Variants in SETD7 observed in about 807,000 individuals in gnomAD.
SETD7 encodes SET domain containing 7, histone lysine methyltransferase, also known as histone-lysine N-methyltransferase SETD7.
A neutral mutation model predicts 41.8 loss-of-function variants in SETD7; 16 were observed. The observed-to-expected ratio is 0.38, with a 90% CI of 0.26 to 0.58. The LOEUF (loss-of-function observed/expected upper bound fraction) is 0.58, where lower values mean the gene tolerates loss of function less well. Ranked by LOEUF, SETD7 falls within the 20% of genes least tolerant of loss-of-function variation. The pLI, the probability that SETD7 is intolerant of heterozygous loss-of-function variation, is 0.64. For synonymous variants in SETD7, 163 were observed against 169.7 expected (o/e 0.96, Z 0.31); for missense variants, 346 against 459.7 (o/e 0.75, Z 2.26).
At chr4:139,495,054 C>G (rs1726429097), downstream of SETD7, among the ~76,000 whole-genome samples, 1 of 152,124 alleles carries the variant, frequency 6.6e-6, no homozygotes, top group South Asian at 2.1e-4. Flanking sequence ...CATATTTTTC[C>G]AGATTAATGC....
chr4:139,521,355 G>A (rs1453332511), intron 5 of SETD7, among the ~76,000 whole-genome samples: 3 of 151,968 alleles, frequency 2.0e-5, no homozygotes, highest in Non-Finnish European at 2.9e-5. Flanking sequence ...GAACCCAGGC[G>A]GTGGAGATTG....
chr4:139,519,345 C>T (rs1051449165), intron 6 of SETD7, among the ~76,000 whole-genome samples: 2 of 152,214 alleles, frequency 1.3e-5, no homozygotes, highest in Non-Finnish European at 1.5e-5. Flanking sequence ...GTATTTTTGA[C>T]TTTAAGCAAG....
intron 2 of SETD7, among the ~76,000 whole-genome samples, chr4:139,542,570 A>T (rs940381632): frequency 6.6e-6 from 1 of 152,104 alleles, no homozygotes. Context: ...TCTATATTTT[A>T]CCTTGAATAT....
chr4:139,543,005 T>C (rs1727821491), intron 2 of SETD7, among the ~76,000 whole-genome samples: 1 of 152,240 alleles, frequency 6.6e-6, no homozygotes, highest in Non-Finnish European at 1.5e-5. Context: ...GTCTCTTTCC[T>C]TGTCGGAACA....
At chr4:139,502,643 C>T (rs915978103), downstream of SETD7, among the ~76,000 whole-genome samples, 2 of 152,188 alleles carry the variant, frequency 1.3e-5, no homozygotes, top group African/African-American at 2.4e-5. Context: ...GTGGCAAAGC[C>T]GGGTGAAACC....
downstream of SETD7, among the ~76,000 whole-genome samples, chr4:139,503,604 A>G (rs1309052886): frequency 6.6e-6 from 1 of 150,536 alleles, no homozygotes; most frequent in Non-Finnish European, 1.5e-5. Context: ...ATCTTTGTAA[A>G]CCCCCCTCTA....
intron 1 of SETD7, among the ~76,000 whole-genome samples, 193 bp from the exon 2 acceptor site, chr4:139,547,242 T>C (rs564846664): frequency 6.3e-4 from 96 of 152,324 alleles, no homozygotes; most frequent in African/African-American, 2.2e-3. Context: ...CAGTACCAAA[T>C]TGATTGTTAT....
rs73856580 is a variant in SETD7, at chr4:139,546,241, A to G, written c.170+679T>C. ...CACACAAAAAGACCAACTATCCCAA[A>G]GACAGGCATTTAAAAAATTGAAGTC... On this transcript the variant is annotated intron_variant, in intron 2 of 7. Transcript: ENST00000274031. The G allele has an allele frequency of 6.7e-3, 1,040 of 155,670 alleles. 15 individuals are homozygous for G. Among genetic ancestry groups the G allele is most frequent in the African/African-American group, 0.023 (971 of 41,584 alleles). The allele number at this position is 155,670 out of a possible 1,614,324, so 9.6% of individuals were successfully genotyped here.
At chr4:139,521,008 T>A (rs1490416821) in intron 5 of SETD7, among the ~76,000 whole-genome samples, 1 of 152,244 alleles carries the variant, frequency 6.6e-6, no homozygotes, top group African/African-American at 2.4e-5. Context: ...TAGTATTGCC[T>A]ATGACTGCTT....
chr4:139,502,430 G>A (rs1369698596), downstream of SETD7, among the ~76,000 whole-genome samples: 2 of 152,194 alleles, frequency 1.3e-5, no homozygotes, highest in East Asian at 3.9e-4. Context: ...AGACTTGAAG[G>A]GCACGAGGGC....
intron 3 of SETD7, 147 bp downstream of exon 3, chr4:139,533,018 G>A: frequency 1.5e-6 from 1 of 677,098 alleles, no homozygotes; most frequent in Non-Finnish European, 2.7e-6. Context: ...AACAGTGAGA[G>A]GGCATGCCTC....
In SETD7 at chr4:139,506,237, T is replaced by C. The variant is rs574454480; in HGVS notation, c.*5426A>G. The C allele has an allele frequency of 3.3e-5, 5 of 152,676 alleles. No individual in the cohort carries two copies. Among genetic ancestry groups the C allele is most frequent in the Admixed American group, 6.5e-5 (1 of 15,284 alleles). 9.5% of individuals were successfully genotyped at this position (152,676 alleles called of 1,614,324 possible). On this transcript the variant is annotated 3_prime_UTR_variant, in exon 8 of 8. Transcript: ENST00000274031. ...CAAACATTATTCATGTAAACATCTT[T>C]CATTAATTTCCCATAATTTAAAAAA...
intron 2 of SETD7, among the ~76,000 whole-genome samples, chr4:139,542,829 T>G (rs1262808963): frequency 6.6e-6 from 1 of 152,240 alleles, no homozygotes. Flanking sequence ...AAATTCTTAT[T>G]CAGATTTATC....
At chr4:139,544,771 T>C (rs892968183) in intron 2 of SETD7, among the ~76,000 whole-genome samples, 1 of 150,942 alleles carries the variant, frequency 6.6e-6, no homozygotes, top group African/African-American at 2.4e-5. Context: ...AGTTACTGGC[T>C]ATCATCATCA....
chr4:139,513,863 G>A (rs1170882060), intron 7 of SETD7, among the ~76,000 whole-genome samples: 1 of 152,228 alleles, frequency 6.6e-6, no homozygotes, highest in Non-Finnish European at 1.5e-5. Context: ...GTTACTGCCT[G>A]CCTGTGAGCA....
chr4:139,540,451 A>G (rs1176691454), intron 2 of SETD7, among the ~76,000 whole-genome samples: 1 of 152,218 alleles, frequency 6.6e-6, no homozygotes, highest in Non-Finnish European at 1.5e-5. Flanking sequence ...AAGTTGGAAG[A>G]TGGTAGCAGA....
intron 7 of SETD7, among the ~76,000 whole-genome samples, chr4:139,512,686 A>T (rs1726912502): frequency 1.3e-5 from 2 of 151,984 alleles, no homozygotes; most frequent in African/African-American, 2.4e-5. Context: ...AGAAGAAATC[A>T]GCTTTATTTT....
At chr4:139,534,823 C>G (rs1727592757) in intron 2 of SETD7, among the ~76,000 whole-genome samples, 1 of 152,150 alleles carries the variant, frequency 6.6e-6, no homozygotes, top group Admixed American at 6.5e-5. Context: ...GGTGGCTGCA[C>G]CTGACTCTGT....
rs985227592 is a variant in SETD7 at position 139,555,363 on chromosome 4, G to C, written c.40+735C>G. Among the ~76,000 whole-genome samples, 1 of 151,432 alleles carries C rather than the reference G, an allele frequency of 6.6e-6. No homozygotes were observed. Among genetic ancestry groups the C allele is most frequent in the Non-Finnish European group, 1.5e-5 (1 of 67,866 alleles). On this transcript the variant is annotated intron_variant, in intron 1 of 7. Transcript: ENST00000274031. The surrounding 1 kb of genome is among the most constrained non-coding windows in gnomAD (Gnocchi z 4.0). ...CCCAGCAATCTCGGTGCGGACTCGCGGCGCGCCTGCACAGCGTGGCGGCTG... is the reference window on the plus strand; with the variant it reads ...CCCAGCAATCTCGGTGCGGACTCGCCGCGCGCCTGCACAGCGTGGCGGCTG...
Sources: gnomAD v4.1 joint callset for allele counts (sites outside exome capture counted in the v4.1 genomes callset) on GRCh38, gnomAD v4.1.1 for gene constraint, Gnocchi (gnomAD v3.1) non-coding constraint, MANE v1.5 for transcripts, NCBI Gene and HGNC (gene_info 2026-07-23, HGNC 2026-07-21) for gene names.